The following PKD2 variants were observed in gnomAD, a reference collection of about 807,000 sequenced individuals.
PKD2 encodes the protein polycystin-2.
A neutral mutation model predicts 105.9 loss-of-function variants in PKD2; 48 were observed. The ratio of observed to expected loss-of-function variants is 0.45; its 90% CI spans 0.36 to 0.58. The LOEUF (loss-of-function observed/expected upper bound fraction) is 0.58, where lower values mean the gene tolerates loss of function less well. PKD2 is among the 20% of genes least tolerant of loss of function. The probability of loss-of-function intolerance (pLI) is 0.00; values close to 1 mark genes in which losing one functional copy is unlikely to be tolerated. For synonymous variants in PKD2, 464 were observed against 481.1 expected, an observed-to-expected ratio of 0.96 and a Z score of 0.46; for missense variants, 1,078 against 1,255.3, an observed-to-expected ratio of 0.86 and a Z score of 2.13.
In PKD2 at chr4:88,008,040, G is replaced by T; in HGVS notation, c.307G>T (p.Val103Leu). Residue 103 changes from valine to leucine, a missense_variant, in exon 1 of 15, where the codon GTG becomes TTG. Transcript: ENST00000237596. ...GFEAEEEEEE[V>L]EGEEGGMVVE... ...CGAGGCCGAGGAGGAGGAGGAGGAG[G>T]TGGAAGGGGAAGAAGGCGGAATGGT... 6.6e-7 allele frequency: 1 copy of T among 1,521,750 alleles called. No homozygotes were observed. Among genetic ancestry groups the T allele is most frequent in the Non-Finnish European group, 8.8e-7 (1 of 1,139,588 alleles). 94.3% of individuals were successfully genotyped at this position (1,521,750 alleles called of 1,614,324 possible).
In PKD2 at chr4:88,075,872, T is replaced by A. The variant is rs1721217797; in HGVS notation, c.*178T>A. ...AAACTTTACCCATGGTTCAAAGATT[T>A]TTTTTTCTTTTTCTCATATAAGAAA... On this transcript the variant is annotated 3_prime_UTR_variant, in exon 15 of 15. Coordinates refer to ENST00000237596, the MANE Select transcript of PKD2 (RefSeq NM_000297.4). 2 of 636,994 alleles carry A rather than the reference T, an allele frequency of 3.1e-6. No homozygotes were observed. Among genetic ancestry groups the A allele is most frequent in the Admixed American group, 5.3e-5 (2 of 37,412 alleles). 39.5% of individuals were successfully genotyped at this position (636,994 alleles called of 1,614,324 possible).
At chr4:88,043,208 G>A (rs777225822) in intron 4 of PKD2, 25 bp from the exon 5 acceptor site, 3 of 1,433,184 alleles carry the variant, frequency 2.1e-6, no homozygotes, top group African/African-American at 1.4e-5. Context: ...GTAACTGTTT[G>A]TTTTTTGGTT....
chr4:88,045,690 A>G (rs1727740149), intron 5 of PKD2, among the ~76,000 whole-genome samples: 1 of 152,210 alleles, frequency 6.6e-6, no homozygotes, highest in South Asian at 2.1e-4. Context: ...CAGTCCAGTT[A>G]TGGTAAAGCA....
intron 4 of PKD2, among the ~76,000 whole-genome samples, chr4:88,039,728 T>G (rs936606275): frequency 1.1e-4 from 16 of 151,814 alleles, no homozygotes; most frequent in East Asian, 3.9e-4. Context: ...CTAAATAGTC[T>G]CAAAGGACAT....
chr4:88,057,121 C>A (rs1344969151), intron 8 of PKD2, among the ~76,000 whole-genome samples: 1 of 152,054 alleles, frequency 6.6e-6, no homozygotes, highest in East Asian at 1.9e-4. Context: ...TGCTGAGTAG[C>A]TGGGACTACA....
chr4:88,038,109 A>G, intron 3 of PKD2, 142 bp from the exon 4 acceptor site: 2 of 920,410 alleles, frequency 2.2e-6, no homozygotes, highest in Admixed American at 3.5e-5. Context: ...GCTATCCCAA[A>G]TCTCTCTGAC....
rs530906983 is a variant in PKD2, at chr4:88,015,748, A to T, written c.596-3710A>T. ...ATAAAAAGTTTTTGAAAGGATTTAG[A>T]TAAAATAGTTGGGGAAATGGCATTT... is the stretch of plus-strand genomic sequence containing the variant. On this transcript the variant is annotated intron_variant, in intron 1 of 14. Coordinates refer to ENST00000237596, the MANE Select transcript of PKD2 (RefSeq NM_000297.4). Among the ~76,000 whole-genome samples the T allele has an allele frequency of 8.5e-5, 13 of 152,334 alleles. No homozygotes were observed. In the South Asian group the frequency reaches 2.7e-3, roughly 32 times the overall value.
intron 1 of PKD2, among the ~76,000 whole-genome samples, chr4:88,008,642 T>C (rs1161950019): frequency 6.6e-6 from 1 of 152,172 alleles, no homozygotes; most frequent in East Asian, 1.9e-4. Flanking sequence ...TTTGTTTTTT[T>C]TTTTCTTGTA....
intron 2 of PKD2, among the ~76,000 whole-genome samples, chr4:88,024,457 G>GAAAAAAAAAAAAAAA (rs552942631): frequency 1.2e-4 from 6 of 50,380 alleles, no homozygotes; most frequent in Non-Finnish European, 2.1e-4. Flanking sequence ...ACTCTGTCTC[G>GAAAAAAAAAAAAAAA]AAAAAAAAAA....
chr4:88,008,003 T>C lies in PKD2; in HGVS notation c.270T>C (p.Asp90=). The C allele has an allele frequency of 6.6e-7, 1 of 1,516,900 alleles. No homozygotes were observed. The allele number at this position is 1,516,900 out of a possible 1,614,324, so 94.0% of individuals were successfully genotyped here. A position where few individuals can be genotyped will look rare whatever the true frequency, so the allele number is the denominator to read the frequency against. Residue 90 remains aspartate (D), a synonymous_variant, in exon 1 of 15, where the codon GAT becomes GAC. Coordinates refer to ENST00000237596, the MANE Select transcript of PKD2 (RefSeq NM_000297.4). ...SSCSRQAWSR[D]NPGFEAEEEE... is the part of the protein sequence containing the mutation. ...GCTCCCGGCAGGCGTGGAGCCGCGA[T>C]AACCCCGGCTTCGAGGCCGAGGAGG...
In PKD2 at chr4:88,043,268, G is replaced by A. The variant is rs773373160; in HGVS notation, c.1130G>A (p.Ser377Asn). 5 of 1,612,646 alleles carry A rather than the reference G, an allele frequency of 3.1e-6. No homozygotes were observed. The Admixed American group carries it at 5.0e-5, about 16-fold the overall frequency. ...IYTSEKDLNGSSHWGIIATYS... is the reference protein window; with the variant it reads ...IYTSEKDLNGNSHWGIIATYS... ...ACAAGTGAAAAAGACTTGAATGGTAGTAGCCACTGGGGAATCATTGCAACT... is the reference window on the plus strand; with the variant it reads ...ACAAGTGAAAAAGACTTGAATGGTAATAGCCACTGGGGAATCATTGCAACT... The change falls in exon 5 of 15, where the codon AGT becomes AAT. Residue 377 changes from serine to asparagine, a missense_variant. By Grantham distance (46) the Ser-to-Asn change is conservative. Coordinates refer to ENST00000237596, the MANE Select transcript of PKD2 (RefSeq NM_000297.4).
chr4:88,042,189 A>G (rs1727589445), intron 4 of PKD2, among the ~76,000 whole-genome samples: 1 of 152,242 alleles, frequency 6.6e-6, no homozygotes, highest in South Asian at 2.1e-4. Context: ...TACCAAAGAA[A>G]GAGGTTTAAT....
intron 2 of PKD2, among the ~76,000 whole-genome samples, chr4:88,029,962 G>A (rs1727087016): frequency 6.6e-6 from 1 of 152,162 alleles, no homozygotes; most frequent in South Asian, 2.1e-4. Context: ...GTGGGCCTTG[G>A]TGAGGGATTT....
rs184838826 is a variant in PKD2 at position 88,066,173 on chromosome 4, C to T, written c.2358+294C>T. On this transcript the variant is annotated intron_variant, in intron 12 of 14. Transcript: ENST00000237596. ...AAGCTTAAAAATGCATTCATAAAAA[C>T]ACATATGCTTATTAAGATTGGGCTA... Among the ~76,000 whole-genome samples, 149 of 152,012 alleles carry T rather than the reference C, an allele frequency of 9.8e-4. 1 individual carries two copies. The highest frequency in any genetic ancestry group is 1.7e-3 in the Non-Finnish European group (114 of 67,962).
chr4:88,053,651 T>C (rs1233877156), intron 7 of PKD2, among the ~76,000 whole-genome samples: 3 of 134,210 alleles, frequency 2.2e-5, no homozygotes, highest in African/African-American at 3.4e-5. Flanking sequence ...AGTGAGACCC[T>C]GTCTCAAAAA....
Position 88,062,175 on chromosome 4 carries a change from A to G in PKD2, c.2118+171A>G, listed in dbSNP as rs1025901502. On this transcript the variant is annotated intron_variant, in intron 10 of 14. Coordinates refer to ENST00000237596, the MANE Select transcript of PKD2 (RefSeq NM_000297.4). ...TCCCTATCTTGGAGTCTTGATGGAT[A>G]TACTGCTATCTTGAATTTTAATTCT... Among the ~76,000 whole-genome samples the G allele has an allele frequency of 2.6e-5, 4 of 152,212 alleles. No individual in the cohort carries two copies. The South Asian group carries it at 6.2e-4, about 24-fold the overall frequency.
intron 4 of PKD2, among the ~76,000 whole-genome samples, chr4:88,041,711 A>AGT (rs1299766159): frequency 6.6e-6 from 1 of 152,202 alleles, no homozygotes; most frequent in African/African-American, 2.4e-5. Flanking sequence ...GCAGGTGTTG[A>AGT]GTGTAAGCCA....
chr4:88,012,200 T>C (rs11942439), intron 1 of PKD2, among the ~76,000 whole-genome samples: 2,030 of 152,316 alleles, frequency 0.013, 56 homozygotes, highest in African/African-American at 0.046. Flanking sequence ...TTCATAGTTT[T>C]GTTTTTATCC....
chr4:88,056,054 A>G lies in PKD2; in HGVS notation c.1717-32A>G, dbSNP rs375663172. 3 of 1,367,812 alleles carry G rather than the reference A, an allele frequency of 2.2e-6. No individual in the cohort carries two copies. The African/African-American group carries it at 4.3e-5, about 20-fold the overall frequency. 84.7% of individuals were successfully genotyped at this position (1,367,812 alleles called of 1,614,324 possible). A position where few individuals can be genotyped will look rare whatever the true frequency, so the allele number is the denominator to read the frequency against. On this transcript the variant is annotated intron_variant, in intron 7 of 14. Coordinates refer to ENST00000237596, the MANE Select transcript of PKD2 (RefSeq NM_000297.4). ...TACAGTCACACCATTTTGTTTATCC[A>G]TTCATCTATTGATGTCTTCTCTCTC...
Sources: gnomAD v4.1 joint callset for allele counts (sites outside exome capture counted in the v4.1 genomes callset) on GRCh38, gnomAD v4.1.1 for gene constraint, MANE v1.5 for transcripts, NCBI Gene and HGNC (gene_info 2026-07-23, HGNC 2026-07-21) for gene names.